The following FAM171B variants were observed in gnomAD, a reference collection of about 807,000 sequenced individuals.
FAM171B encodes the protein family with sequence similarity 171 member B.
In FAM171B, 19 loss-of-function variants were observed where a neutral mutation model predicts 75.6. That is an observed-to-expected ratio of 0.25 (90% CI 0.18 to 0.37). The LOEUF (loss-of-function observed/expected upper bound fraction) is 0.37. Ranked by LOEUF, FAM171B falls within the 10% of genes least tolerant of loss-of-function variation. The probability of loss-of-function intolerance (pLI) is 1.00; values close to 1 mark genes in which losing one functional copy is unlikely to be tolerated. For synonymous variants in FAM171B, 367 were observed against 361.7 expected (o/e 1.01, Z -0.17); for missense variants, 848 against 982.4 (o/e 0.86, Z 1.83).
intron 1 of FAM171B, among the ~76,000 whole-genome samples, chr2:186,713,212 G>A (rs564128103): frequency 6.4e-4 from 98 of 152,270 alleles, no homozygotes; most frequent in Middle Eastern, 3.4e-3. Context: ...GGATGGTCAG[G>A]GTTCTGTGTA....
intron 2 of FAM171B, 61 bp downstream of exon 2, chr2:186,740,522 C>G (rs139703519): frequency 0.031 from 42,364 of 1,375,814 alleles, 791 homozygotes; most frequent in Non-Finnish European, 0.037. Context: ...ATTATTTTCT[C>G]TGTTTGGGGG....
chr2:186,757,789 A>G (rs920939338), intron 6 of FAM171B, among the ~76,000 whole-genome samples: 4 of 152,244 alleles, frequency 2.6e-5, no homozygotes, highest in African/African-American at 9.6e-5. Context: ...CCATACATAT[A>G]GGATTTGGGG....
chr2:186,738,229 A>G (rs1690233384), intron 1 of FAM171B, among the ~76,000 whole-genome samples: 1 of 152,218 alleles, frequency 6.6e-6, no homozygotes, highest in Admixed American at 6.5e-5. Flanking sequence ...CCCACGGGGC[A>G]GAAGTTAGGG....
intron 3 of FAM171B, among the ~76,000 whole-genome samples, chr2:186,746,567 C>G (rs1484689220): frequency 6.6e-6 from 1 of 152,136 alleles, no homozygotes; most frequent in East Asian, 1.9e-4. Context: ...TGAATGCTGC[C>G]TCGATTTTTA....
chr2:186,698,120 C>T (rs557200816), intron 1 of FAM171B, among the ~76,000 whole-genome samples: 10 of 152,180 alleles, frequency 6.6e-5, no homozygotes, highest in Non-Finnish European at 1.5e-4. Flanking sequence ...GTAGTTGGGA[C>T]AACCATATTA....
intron 1 of FAM171B, among the ~76,000 whole-genome samples, chr2:186,720,700 CA>C (rs71411184): frequency 0.041 from 4,570 of 110,148 alleles, 139 homozygotes; most frequent in African/African-American, 0.11. Flanking sequence ...AGATCATGTA[CA>C]AAAAAAAAAA....
At chr2:186,741,332 C>T (rs1690285783) in intron 2 of FAM171B, among the ~76,000 whole-genome samples, 1 of 151,656 alleles carries the variant, frequency 6.6e-6, no homozygotes, top group Admixed American at 6.6e-5. Context: ...AACTTAAAAG[C>T]AATAAAAGAT....
In FAM171B at chr2:186,764,202, A is replaced by G. The variant is rs1257898933; in HGVS notation, c.*1379A>G. ...GGGGGTAAAAATCCTAAATTGCTTT[A>G]TTTTTCATTCCCTCCTATTCAACAT... On this transcript the variant is annotated 3_prime_UTR_variant, in exon 8 of 8. Coordinates refer to ENST00000304698, the MANE Select transcript of FAM171B (RefSeq NM_177454.4). The G allele has an allele frequency of 6.6e-6, 1 of 151,964 alleles. No individual in the cohort carries two copies. Among genetic ancestry groups the G allele is most frequent in the Non-Finnish European group, 1.5e-5 (1 of 67,932 alleles). The allele number at this position is 151,964 out of a possible 1,614,324, so 9.4% of individuals were successfully genotyped here.
intron 1 of FAM171B, among the ~76,000 whole-genome samples, chr2:186,714,026 TTTTACAGC>T (rs1689842488): frequency 6.6e-6 from 1 of 152,190 alleles, no homozygotes. Flanking sequence ...AACAAGAATA[TTTTACAGC>T]TCTCTTTTTC....
chr2:186,705,731 CA>C (rs1274877063), intron 1 of FAM171B, among the ~76,000 whole-genome samples: 1 of 152,050 alleles, frequency 6.6e-6, no homozygotes, highest in Non-Finnish European at 1.5e-5. Context: ...GTAAAATTAG[CA>C]AGCATGACAG....
At chr2:186,712,627 C>T (rs1366018896) in intron 1 of FAM171B, among the ~76,000 whole-genome samples, 1 of 152,112 alleles carries the variant, frequency 6.6e-6, no homozygotes, top group Non-Finnish European at 1.5e-5. Context: ...ATTCTTAAAC[C>T]TGGGGCACTT....
At position 186,765,858 on chromosome 2, in the gene FAM171B, T is replaced by A. The variant is rs1235105055; in HGVS notation, c.*3035T>A. ...AAATCTCATATTTCGGTGTATTTATTGCTGTTACTACTATATTTACTGCTG... is the reference window on the plus strand; with the variant it reads ...AAATCTCATATTTCGGTGTATTTATAGCTGTTACTACTATATTTACTGCTG... On this transcript the variant is annotated 3_prime_UTR_variant, in exon 8 of 8. Transcript: ENST00000304698. 6.6e-6 allele frequency: 1 copy of A among 152,158 alleles called. No individual in the cohort carries two copies. Among genetic ancestry groups the A allele is most frequent in the African/African-American group, 2.4e-5 (1 of 41,450 alleles). The allele number at this position is 152,158 out of a possible 1,614,324, so 9.4% of individuals were successfully genotyped here.
intron 1 of FAM171B, among the ~76,000 whole-genome samples, chr2:186,727,158 T>G (rs1690046285): frequency 6.6e-6 from 1 of 151,988 alleles, no homozygotes; most frequent in South Asian, 2.1e-4. Context: ...TTGGAAATAA[T>G]AGGGGCTGTC....
At chr2:186,759,608 C>G (rs1690585426) in intron 6 of FAM171B, among the ~76,000 whole-genome samples, 1 of 152,068 alleles carries the variant, frequency 6.6e-6, no homozygotes, top group African/African-American at 2.4e-5. Flanking sequence ...AGCCTCTTTT[C>G]ATATTCCTGT....
intron 1 of FAM171B, among the ~76,000 whole-genome samples, chr2:186,703,950 C>T (rs970864311): frequency 6.6e-6 from 1 of 151,780 alleles, no homozygotes; most frequent in Non-Finnish European, 1.5e-5. Flanking sequence ...TTAAGTAAAA[C>T]GAACCATTCA....
At chr2:186,720,597 G>A (rs898819111) in intron 1 of FAM171B, among the ~76,000 whole-genome samples, 8 of 150,808 alleles carry the variant, frequency 5.3e-5, no homozygotes, top group Non-Finnish European at 1.2e-4. Flanking sequence ...TTTTAAAAGT[G>A]CTGGATGGAA....
intron 1 of FAM171B, among the ~76,000 whole-genome samples, chr2:186,725,012 C>A (rs544031688): frequency 2.2e-4 from 34 of 152,290 alleles, no homozygotes; most frequent in African/African-American, 8.2e-4. Flanking sequence ...TTTACATATT[C>A]TTCTTAACCT....
At position 186,747,116 on chromosome 2, in the gene FAM171B, A is replaced by G; in HGVS notation, c.590A>G (p.Gln197Arg). The change falls in exon 4 of 8, where the codon CAG (glutamine) becomes CGG (arginine). Residue 197 changes from glutamine to arginine, a missense_variant. Gln to Arg is a conservative substitution (Grantham distance 43). This residue lies in a region of FAM171B where 665 missense variants were observed against 729.0 expected (regional missense o/e 0.91). Coordinates refer to ENST00000304698, the MANE Select transcript of FAM171B (RefSeq NM_177454.4). The stretch of plus-strand genomic sequence containing the variant: ...GATGCCAAGTCTCAACCAAGTGTTC[A>G]GTTTTCAAAAGCCTTAATTAAACTT... Reference protein sequence around the residue: ...LADAKSQPSVQFSKALIKLPD... With the variant: ...LADAKSQPSVRFSKALIKLPD... The G allele has an allele frequency of 1.3e-6, 2 of 1,596,652 alleles. No individual in the cohort carries two copies. The highest frequency in any genetic ancestry group is 1.2e-5 in the South Asian group (1 of 86,738).
intron 4 of FAM171B, among the ~76,000 whole-genome samples, chr2:186,750,412 G>C (rs1388702535): frequency 6.6e-6 from 1 of 152,028 alleles, no homozygotes; most frequent in Non-Finnish European, 1.5e-5. Flanking sequence ...AACCAATTCT[G>C]TTATCTCCCT....
Sources: gnomAD v4.1 joint callset for allele counts (sites outside exome capture counted in the v4.1 genomes callset) on GRCh38, gnomAD v4.1.1 for gene constraint, gnomAD v4.1.1 regional missense constraint, MANE v1.5 for transcripts, NCBI Gene and HGNC (gene_info 2026-07-23, HGNC 2026-07-21) for gene names.